The following PAPPA2 variants were observed in gnomAD, a reference collection of about 807,000 sequenced individuals.
PAPPA2 encodes pappalysin 2, also known as pappalysin-2.
Under a neutral mutation model 176.4 loss-of-function variants are expected in PAPPA2, and 86 were observed. The ratio of observed to expected loss-of-function variants is 0.49; its 90% CI spans 0.41 to 0.58. PAPPA2 has a LOEUF of 0.58. Ranked by LOEUF, PAPPA2 falls within the 20% of genes least tolerant of loss-of-function variation. The pLI, the probability that PAPPA2 is intolerant of heterozygous loss-of-function variation, is 0.00. For synonymous variants in PAPPA2, 809 were observed against 852.2 expected, an observed-to-expected ratio of 0.95 and a Z score of 0.88; for missense variants, 2,073 against 2,256.9, an observed-to-expected ratio of 0.92 and a Z score of 1.65.
Position 176,556,648 on chromosome 1 carries a change from C to G in PAPPA2, c.326C>G (p.Pro109Arg). 2 of 1,614,168 alleles carry G rather than the reference C, an allele frequency of 1.2e-6. No homozygotes were observed. Among genetic ancestry groups the G allele is most frequent in the East Asian group, 2.2e-5 (1 of 44,866 alleles). ...TEGNAVSLVP[P>R]DLTENPAGLR... ...GGAAATGCTGTGAGCCTTGTTCCCC[C>G]AGACCTGACTGAAAATCCAGCAGGA... Residue 109 changes from proline to arginine, a missense_variant, in exon 2 of 23, where the codon CCA becomes CGA. Around this residue, in one of 4 missense-constraint regions of PAPPA2, gnomAD observed 1,196 missense variants for 1,330.4 expected, o/e 0.90. Coordinates refer to ENST00000367662, the MANE Select transcript of PAPPA2 (RefSeq NM_020318.3).
intron 3 of PAPPA2, among the ~76,000 whole-genome samples, chr1:176,643,576 A>G (rs911965881): frequency 6.6e-6 from 1 of 151,804 alleles, no homozygotes; most frequent in Non-Finnish European, 1.5e-5. Flanking sequence ...GAGGCCTTTC[A>G]GAATCTATCA....
chr1:176,716,160 C>A (rs1238960631), intron 12 of PAPPA2, among the ~76,000 whole-genome samples: 1 of 150,904 alleles, frequency 6.6e-6, no homozygotes, highest in Non-Finnish European at 1.5e-5. Context: ...TCTCCTAGGA[C>A]TTTTACTGTA....
chr1:176,815,230 C>T (rs1557888487), intron 21 of PAPPA2, among the ~76,000 whole-genome samples: 1 of 152,114 alleles, frequency 6.6e-6, no homozygotes, highest in Non-Finnish European at 1.5e-5. Flanking sequence ...AAACAGCATG[C>T]ATAATGAAAA....
rs1262167470 is a variant in PAPPA2, at chr1:176,672,067, T to A, written c.2137+952T>A. Among the ~76,000 whole-genome samples the A allele has an allele frequency of 2.7e-5, 4 of 149,852 alleles. 1 individual carries two copies. The highest frequency in any genetic ancestry group is 1.3e-4 in the Admixed American group (2 of 15,034). On this transcript the variant is annotated intron_variant, in intron 4 of 22. Coordinates refer to ENST00000367662, the MANE Select transcript of PAPPA2 (RefSeq NM_020318.3). Reference sequence around the variant, plus strand: ...CCTAAAACTTAAAGTATAATAATAATAAAATAAAAAAATAAAAAATAAAAA... The same window carrying A: ...CCTAAAACTTAAAGTATAATAATAAAAAAATAAAAAAATAAAAAATAAAAA...
chr1:176,663,924 A>C (rs1261419844), intron 3 of PAPPA2, among the ~76,000 whole-genome samples: 1 of 152,160 alleles, frequency 6.6e-6, no homozygotes, highest in African/African-American at 2.4e-5. Flanking sequence ...CTAATCTTCT[A>C]AATAAATTTT....
chr1:176,591,116 CACACACACAA>C (rs1440847544), intron 2 of PAPPA2, among the ~76,000 whole-genome samples: 5 of 151,432 alleles, frequency 3.3e-5, no homozygotes, highest in African/African-American at 1.2e-4. Flanking sequence ...CACACACACA[CACACACACAA>C]AATTCCAGTG....
chr1:176,478,979 A>T (rs1177941501), intron 1 of PAPPA2, among the ~76,000 whole-genome samples: 1 of 152,252 alleles, frequency 6.6e-6, no homozygotes, highest in Admixed American at 6.5e-5. Context: ...CCTTGAGGGC[A>T]GACTGGCTCT....
At position 176,550,982 on chromosome 1, in the gene PAPPA2, C is replaced by G. The variant is rs1017266258; in HGVS notation, c.-916-4425C>G. Among the ~76,000 whole-genome samples, 10 of 152,216 alleles carry G rather than the reference C, an allele frequency of 6.6e-5. No homozygotes were observed. The East Asian group carries it at 7.7e-4, about 12-fold the overall frequency. On this transcript the variant is annotated intron_variant, in intron 1 of 22. Coordinates refer to ENST00000367662, the MANE Select transcript of PAPPA2 (RefSeq NM_020318.3). ...GGCAAACCAGCCAGACAGGTGAAGA[C>G]AGTGCGTAGCCAGAGAAGGCAAAAA...
chr1:176,502,098 C>T (rs749307177), intron 1 of PAPPA2, among the ~76,000 whole-genome samples: 7 of 152,140 alleles, frequency 4.6e-5, no homozygotes, highest in Non-Finnish European at 8.8e-5. Flanking sequence ...GTAGGAATGA[C>T]CTACTAAGCA....
intron 4 of PAPPA2, among the ~76,000 whole-genome samples, chr1:176,687,645 T>C (rs1659904455): frequency 6.6e-6 from 1 of 152,190 alleles, no homozygotes; most frequent in Non-Finnish European, 1.5e-5. Context: ...TTGAAGGAGA[T>C]CACAAAAGGA....
intron 7 of PAPPA2, 99 bp downstream of exon 7, chr1:176,695,958 G>A: frequency 4.6e-6 from 6 of 1,306,482 alleles, no homozygotes; most frequent in South Asian, 4.0e-5. Context: ...AAAAGGCAAT[G>A]TATGTGTATG....
At chr1:176,793,989 G>C (rs997115721) in intron 20 of PAPPA2, among the ~76,000 whole-genome samples, 14 of 152,098 alleles carry the variant, frequency 9.2e-5, no homozygotes, top group Admixed American at 5.2e-4. Context: ...AGCTACTTGG[G>C]AGGCTGAGGC....
At chr1:176,786,868 G>A (rs1005781202) in intron 17 of PAPPA2, among the ~76,000 whole-genome samples, 1 of 152,138 alleles carries the variant, frequency 6.6e-6, no homozygotes, top group Non-Finnish European at 1.5e-5. Context: ...AGTGGGAGGG[G>A]AGCACTGAGT....
intron 12 of PAPPA2, among the ~76,000 whole-genome samples, chr1:176,731,135 C>T (rs146283779): frequency 6.6e-6 from 1 of 152,074 alleles, no homozygotes; most frequent in East Asian, 1.9e-4. Flanking sequence ...CCACAAGATC[C>T]TTTTCTCTAT....
At chr1:176,650,066 T>C (rs1009427778) in intron 3 of PAPPA2, among the ~76,000 whole-genome samples, 1 of 151,654 alleles carries the variant, frequency 6.6e-6, no homozygotes, top group African/African-American at 2.4e-5. Flanking sequence ...TTTATATAAT[T>C]GGGAGCTCCA....
chr1:176,698,956 A>T, intron 7 of PAPPA2, 144 bp from the exon 8 acceptor site: 2 of 1,028,080 alleles, frequency 1.9e-6, no homozygotes, highest in Non-Finnish European at 1.4e-6. Flanking sequence ...ACTAGTACTT[A>T]AGATCTAACC....
chr1:176,471,243 A>G (rs1250155794), intron 1 of PAPPA2, among the ~76,000 whole-genome samples: 1 of 152,178 alleles, frequency 6.6e-6, no homozygotes, highest in Non-Finnish European at 1.5e-5. Context: ...CGGAAGGATG[A>G]GTAGCTCATG....
chr1:176,714,752 T>G (rs1661295030), intron 12 of PAPPA2, among the ~76,000 whole-genome samples: 1 of 152,188 alleles, frequency 6.6e-6, no homozygotes. Context: ...AACTACCTTC[T>G]CCTAGAAAAC....
chr1:176,536,027 A>C (rs145040568), intron 1 of PAPPA2, among the ~76,000 whole-genome samples: 44 of 152,268 alleles, frequency 2.9e-4, no homozygotes, highest in African/African-American at 9.4e-4. Flanking sequence ...CTGATGGAAG[A>C]AGCTCTCTGC....
Sources: gnomAD v4.1 joint callset for allele counts (sites outside exome capture counted in the v4.1 genomes callset) on GRCh38, gnomAD v4.1.1 for gene constraint, gnomAD v4.1.1 regional missense constraint, MANE v1.5 for transcripts, NCBI Gene and HGNC (gene_info 2026-07-23, HGNC 2026-07-21) for gene names.